Variants in TMEM67 observed in about 807,000 individuals in gnomAD.
TMEM67 encodes meckelin.
Under a neutral mutation model 136.6 loss-of-function variants are expected in TMEM67, and 124 were observed. The observed-to-expected ratio is 0.91, with a 90% CI of 0.78 to 1.05. TMEM67 has a LOEUF of 1.05. Among genes scored for constraint, TMEM67 ranks in the 50% least tolerant of loss-of-function variants. The probability of loss-of-function intolerance (pLI) is 0.00; values close to 1 mark genes in which losing one functional copy is unlikely to be tolerated. For missense variants in TMEM67, 1,107 were observed against 1,178.4 expected (o/e 0.94, Z 0.89); for synonymous variants, 364 against 390.5 (o/e 0.93, Z 0.80).
chr8:93,809,215 G>A, intron 25 of TMEM67, 54 bp downstream of exon 25: 1 of 1,058,044 alleles, frequency 9.5e-7, no homozygotes, highest in Non-Finnish European at 1.5e-6. Flanking sequence ...TTTTTAAAAA[G>A]TTAAGTGGGA....
chr8:93,762,109 G>C (rs564265963), intron 3 of TMEM67: 3 of 152,116 alleles, frequency 2.0e-5, no homozygotes, highest in Non-Finnish European at 2.9e-5. Flanking sequence ...AGAAAAATTA[G>C]CTGGGCATGG....
At chr8:93,777,016 C>T (rs1232541425) in intron 7 of TMEM67, among the ~76,000 whole-genome samples, 2 of 152,118 alleles carry the variant, frequency 1.3e-5, no homozygotes, top group Non-Finnish European at 2.9e-5. Flanking sequence ...TTGATTATTG[C>T]CTCAATTTCA....
Position 93,787,859 on chromosome 8 carries a change from C to A in TMEM67, c.1428C>A (p.Pro476=), listed in dbSNP as rs762841394. The change falls in exon 14 of 28, where the codon CCC becomes CCA. Residue 476 remains proline (P), a synonymous_variant. Coordinates refer to ENST00000453321, the MANE Select transcript of TMEM67 (RefSeq NM_153704.6). ...TTTTAAATAGTGTCCACCTTGTACC[C>A]AACACAATAAATGGAAACATCTACC... is the stretch of plus-strand genomic sequence containing the variant. ...TQISLSVHLV[P]NTINGNIYPP... 6 of 1,613,496 alleles carry A rather than the reference C, an allele frequency of 3.7e-6. No homozygotes were observed. In the South Asian group the frequency reaches 6.6e-5, roughly 18 times the overall value.
chr8:93,800,161 T>G (rs1483315853), intron 21 of TMEM67, among the ~76,000 whole-genome samples: 2 of 152,152 alleles, frequency 1.3e-5, no homozygotes, highest in Non-Finnish European at 2.9e-5. Flanking sequence ...TCCATCCTCC[T>G]CACCCTCCCA....
intron 6 of TMEM67, among the ~76,000 whole-genome samples, chr8:93,771,491 A>T (rs1052265746): frequency 2.0e-5 from 3 of 152,126 alleles, no homozygotes; most frequent in African/African-American, 7.2e-5. Context: ...TAGTTCCATA[A>T]TATTCTGGCT....
In TMEM67 at chr8:93,793,340, C is replaced by A. The variant is rs764535493; in HGVS notation, c.1674+44C>A. On this transcript the variant is annotated intron_variant, in intron 16 of 27. Transcript: ENST00000453321. ...TTTAAGAATATTTTTATCTTTTGAC[C>A]ATTCTGGATCCTTCTCATAAGACAC... 4 of 1,482,260 alleles carry A rather than the reference C, an allele frequency of 2.7e-6. No individual in the cohort carries two copies. The Admixed American group carries it at 6.7e-5, about 25-fold the overall frequency. 91.8% of individuals were successfully genotyped at this position (1,482,260 alleles called of 1,614,324 possible).
rs2130780313 is a variant in TMEM67, at chr8:93,808,850, G to A, written c.2450G>A (p.Cys817Tyr). ...TCTTTAACTTTTCAGGAAAATTTGT[G>A]TAGCCAGAGAGGTTTGGTACCCAAC... is the stretch of plus-strand genomic sequence containing the variant. ...MNLKREAENL[C>Y]SQRGLVPNTD... is the part of the protein sequence containing the mutation. Residue 817 changes from cysteine (C) to tyrosine (Y), a missense_variant, in exon 24 of 28, where the codon TGT becomes TAT. By Grantham distance (194) the Cys-to-Tyr change is radical. This residue lies in a region of TMEM67 where 925 missense variants were observed against 1,002.4 expected (regional missense o/e 0.92). Transcript: ENST00000453321. The A allele has an allele frequency of 6.2e-7, 1 of 1,606,118 alleles. No homozygotes were observed.
Position 93,777,143 on chromosome 8 carries a change from G to A in TMEM67, c.715-3450G>A, listed in dbSNP as rs376461066. 9.9e-5 allele frequency among the ~76,000 whole-genome samples: 15 copies of A among 152,282 alleles called. No individual in the cohort carries two copies. The South Asian group carries it at 3.1e-3, about 32-fold the overall frequency. Reference sequence around the variant, plus strand: ...GATTTTCTAGTTTATTTGTATAGAGGTGTTTATAGTATTCTCTGATAGTAG... The same window carrying A: ...GATTTTCTAGTTTATTTGTATAGAGATGTTTATAGTATTCTCTGATAGTAG... On this transcript the variant is annotated intron_variant, in intron 7 of 27. Coordinates refer to ENST00000453321, the MANE Select transcript of TMEM67 (RefSeq NM_153704.6).
chr8:93,770,950 G>T (rs1813301936), intron 6 of TMEM67, among the ~76,000 whole-genome samples: 1 of 151,886 alleles, frequency 6.6e-6, no homozygotes, highest in South Asian at 2.1e-4. Flanking sequence ...AGGAGACAGA[G>T]GTTGCAGTGA....
At chr8:93,801,339 A>G (rs1452416927) in intron 21 of TMEM67, among the ~76,000 whole-genome samples, 6 of 151,846 alleles carry the variant, frequency 4.0e-5, no homozygotes, top group Middle Eastern at 3.2e-3. Context: ...GGCTCAAGCA[A>G]TCCTCCTGCC....
At chr8:93,795,840 CA>C (rs769433767) in intron 17 of TMEM67, 60 bp from the exon 18 acceptor site, 4 of 1,307,502 alleles carry the variant, frequency 3.1e-6, no homozygotes, top group Non-Finnish European at 2.2e-6. Context: ...AAACAAAAAA[CA>C]AACAAACAAA....
chr8:93,798,089 C>T (rs1814701189), intron 20 of TMEM67, among the ~76,000 whole-genome samples: 1 of 152,182 alleles, frequency 6.6e-6, no homozygotes, highest in Admixed American at 6.5e-5. Flanking sequence ...AACTGAAACT[C>T]TATACCCCTT....
At chr8:93,790,553 G>T (rs1814330205) in intron 14 of TMEM67, among the ~76,000 whole-genome samples, 1 of 152,262 alleles carries the variant, frequency 6.6e-6, no homozygotes, top group Non-Finnish European at 1.5e-5. Flanking sequence ...ACTCAGTTCT[G>T]CCAGCTGCCC....
chr8:93,782,613 G>A (rs1586045438), intron 11 of TMEM67, among the ~76,000 whole-genome samples, 153 bp downstream of exon 11: 3 of 100,070 alleles, frequency 3.0e-5, no homozygotes, highest in South Asian at 6.5e-4. Context: ...TGCTCTTGTT[G>A]CCCAGGCTGG....
At chr8:93,830,468 T>C in the TMEM67 span, among the ~76,000 whole-genome samples, 1 of 152,284 alleles carries the variant, frequency 6.6e-6, no homozygotes, top group South Asian at 2.1e-4. Context: ...GTGACTGGTA[T>C]CTGGGAGCGG....
the TMEM67 span, among the ~76,000 whole-genome samples, chr8:93,830,083 G>T: frequency 6.6e-6 from 1 of 152,154 alleles, no homozygotes; most frequent in East Asian, 1.9e-4. Flanking sequence ...AGCCTTGCTG[G>T]GTCTCCCCAC....
At chr8:93,812,103 C>T (rs1331154150) in intron 26 of TMEM67, among the ~76,000 whole-genome samples, 1 of 149,898 alleles carries the variant, frequency 6.7e-6, no homozygotes, top group Non-Finnish European at 1.5e-5. Context: ...GAGCTGAGAT[C>T]GCACCATTGC....
intron 4 of TMEM67, 90 bp from the exon 5 acceptor site, chr8:93,765,316 C>T: frequency 1.0e-6 from 1 of 999,272 alleles, no homozygotes; most frequent in Admixed American, 2.0e-5. Context: ...AATGAATCTA[C>T]TCTAATCCAT....
At chr8:93,807,445 T>C (rs73694965) in intron 23 of TMEM67, among the ~76,000 whole-genome samples, 2,222 of 152,238 alleles carry the variant, frequency 0.015, 60 homozygotes, top group African/African-American at 0.048. Context: ...TCATATTTTG[T>C]AGAATATTTG....
Sources: allele counts gnomAD v4.1 joint callset (sites outside exome capture counted in the v4.1 genomes callset), GRCh38; gene constraint gnomAD v4.1.1; regional missense constraint gnomAD v4.1.1; transcripts MANE v1.5; gene names NCBI Gene and HGNC (gene_info 2026-07-23, HGNC 2026-07-21).